PRTFDC1: variants seen among roughly 807,000 people sequenced by gnomAD.
The protein encoded by PRTFDC1 is phosphoribosyl transferase domain containing 1.
PRTFDC1 carries 38 observed loss-of-function variants against 34.6 expected under a neutral mutation model. The observed-to-expected ratio is 1.10, with a 90% CI of 0.85 to 1.44. The LOEUF is 1.44. Ranked by LOEUF, PRTFDC1 falls within the 40% of genes most tolerant of loss-of-function variation. The pLI, the probability that PRTFDC1 is intolerant of heterozygous loss-of-function variation, is 0.00. For synonymous variants in PRTFDC1, 93 were observed against 98.1 expected (o/e 0.95, Z 0.31); for missense variants, 270 against 283.0 (o/e 0.95, Z 0.33).
chr10:24,910,075 C>T (rs1171095932), intron 3 of PRTFDC1, among the ~76,000 whole-genome samples: 4 of 151,796 alleles, frequency 2.6e-5, no homozygotes, highest in African/African-American at 7.3e-5. Context: ...GCAGGAGAAT[C>T]GCTTGAACCC....
intron 3 of PRTFDC1, among the ~76,000 whole-genome samples, chr10:24,897,954 G>A (rs530120405): frequency 3.9e-5 from 6 of 152,224 alleles, no homozygotes; most frequent in East Asian, 3.9e-4. Context: ...GGTGCAGGGC[G>A]TCTTTAAAGA....
intron 3 of PRTFDC1, among the ~76,000 whole-genome samples, chr10:24,900,786 A>C (rs1848437401): frequency 1.3e-5 from 2 of 152,230 alleles, no homozygotes; most frequent in Non-Finnish European, 2.9e-5. Context: ...AGAATTAAAA[A>C]ATAAATAACC....
intron 3 of PRTFDC1, among the ~76,000 whole-genome samples, chr10:24,899,786 C>G (rs1002564022): frequency 1.3e-5 from 2 of 152,150 alleles, no homozygotes; most frequent in Non-Finnish European, 2.9e-5. Flanking sequence ...TAAACATGTT[C>G]CCACAACAAT....
At chr10:24,896,301 T>G (rs1848362513) in intron 3 of PRTFDC1, among the ~76,000 whole-genome samples, 1 of 152,174 alleles carries the variant, frequency 6.6e-6, no homozygotes, top group Non-Finnish European at 1.5e-5. Flanking sequence ...CTAGGTTGCA[T>G]GTTCCTTACG....
chr10:24,943,935 C>A (rs1375947777), intron 1 of PRTFDC1, among the ~76,000 whole-genome samples: 1 of 152,072 alleles, frequency 6.6e-6, no homozygotes, highest in Non-Finnish European at 1.5e-5. Flanking sequence ...ACAATGCAGA[C>A]CCACCCTAAT....
chr10:24,880,282 T>A (rs1333941349), intron 3 of PRTFDC1, among the ~76,000 whole-genome samples: 1 of 151,676 alleles, frequency 6.6e-6, no homozygotes, highest in Non-Finnish European at 1.5e-5. Flanking sequence ...AGACAGAGTC[T>A]TGCACTATTG....
At position 24,848,947 on chromosome 10, in the gene PRTFDC1, C is replaced by T. The variant is rs1847435935; in HGVS notation, c.*897G>A. 6.6e-6 allele frequency: 1 copy of T among 152,198 alleles called. No individual in the cohort carries two copies. 9.4% of individuals were successfully genotyped at this position (152,198 alleles called of 1,614,324 possible). A position where few individuals can be genotyped will look rare whatever the true frequency, so the allele number is the denominator to read the frequency against. ...ATTTTTTAAAAAATTCAACCTCTGT[C>T]TTCACATTTAGGACAGGGCATAACA... On this transcript the variant is annotated 3_prime_UTR_variant, in exon 9 of 9. Transcript: ENST00000320152.
chr10:24,947,843 T>G (rs563181586), intron 1 of PRTFDC1, among the ~76,000 whole-genome samples: 1 of 152,042 alleles, frequency 6.6e-6, no homozygotes, highest in Admixed American at 6.5e-5. Context: ...ACAGGAATTC[T>G]GGGATTCCTG....
intron 3 of PRTFDC1, among the ~76,000 whole-genome samples, chr10:24,872,915 CT>C: frequency 6.7e-6 from 1 of 149,828 alleles, no homozygotes; most frequent in Admixed American, 6.7e-5. Context: ...TCAAGCAATC[CT>C]TCTGTCTCGG....
At chr10:24,899,619 AC>A (rs1848419954) in intron 3 of PRTFDC1, among the ~76,000 whole-genome samples, 1 of 152,174 alleles carries the variant, frequency 6.6e-6, no homozygotes, top group African/African-American at 2.4e-5. Flanking sequence ...TTTTTAACTA[AC>A]CAGAAAGTGG....
At chr10:24,861,072 A>G (rs1322538066) in intron 4 of PRTFDC1, among the ~76,000 whole-genome samples, 1 of 151,272 alleles carries the variant, frequency 6.6e-6, no homozygotes, top group Non-Finnish European at 1.5e-5. Context: ...CTTTGAAAAG[A>G]TTAGCTTCAA....
intron 3 of PRTFDC1, among the ~76,000 whole-genome samples, chr10:24,876,602 G>T (rs1337108279): frequency 6.6e-6 from 1 of 152,098 alleles, no homozygotes; most frequent in African/African-American, 2.4e-5. Flanking sequence ...GCTGAGGCAG[G>T]AGAATCGCTT....
Position 24,915,687 on chromosome 10 carries a change from C to G in PRTFDC1, c.339+21497G>C, listed in dbSNP as rs570290033. Among the ~76,000 whole-genome samples, 4 of 152,352 alleles carry G rather than the reference C, an allele frequency of 2.6e-5. No individual in the cohort carries two copies. The South Asian group carries it at 8.3e-4, about 32-fold the overall frequency. Reference sequence around the variant, plus strand: ...TCAGTCTTCTTACTTGTTCTATTAACTGCATTCAGTGGCTGATTAGCCCTT... The same window carrying G: ...TCAGTCTTCTTACTTGTTCTATTAAGTGCATTCAGTGGCTGATTAGCCCTT... On this transcript the variant is annotated intron_variant, in intron 3 of 8. Coordinates refer to ENST00000320152, the MANE Select transcript of PRTFDC1 (RefSeq NM_020200.7).
chr10:24,934,464 G>C (rs971947651), intron 3 of PRTFDC1, among the ~76,000 whole-genome samples: 1 of 152,154 alleles, frequency 6.6e-6, no homozygotes, highest in Non-Finnish European at 1.5e-5. Context: ...TTTAGGAATT[G>C]CTGATAGAAT....
At chr10:24,898,798 C>T (rs9971366) in intron 3 of PRTFDC1, among the ~76,000 whole-genome samples, 1 of 152,140 alleles carries the variant, frequency 6.6e-6, no homozygotes, top group Non-Finnish European at 1.5e-5. Context: ...TGAGAAATTG[C>T]TAAGAACTGA....
chr10:24,943,576 G>T (rs1849205232), intron 1 of PRTFDC1, among the ~76,000 whole-genome samples: 1 of 150,410 alleles, frequency 6.6e-6, no homozygotes, highest in African/African-American at 2.5e-5. Context: ...TCTGAGACAG[G>T]GTCCCGCACT....
chr10:24,942,262 T>G, intron 2 of PRTFDC1, 68 bp downstream of exon 2: 1 of 1,278,988 alleles, frequency 7.8e-7, no homozygotes, highest in Non-Finnish European at 1.1e-6. Context: ...TAAAGTATAT[T>G]GTGGGATTCA....
Position 24,909,416 on chromosome 10 carries a change from G to A in PRTFDC1, c.339+27768C>T, listed in dbSNP as rs1043966651. ...TATCTCATGGTCCAGCTTTCATTTA[G>A]TTGTTTGCAAGTCAGCTTCCTTTAC... On this transcript the variant is annotated intron_variant, in intron 3 of 8. Transcript: ENST00000320152. 2.0e-5 allele frequency among the ~76,000 whole-genome samples: 3 copies of A among 152,156 alleles called. 1 individual carries two copies. In the South Asian group the frequency reaches 6.2e-4, roughly 32 times the overall value.
chr10:24,855,276 AAAACAAAC>A lies in PRTFDC1; in HGVS notation c.553+34_553+41del, dbSNP rs747500150. ...ACATAAAATGAAACACCATAAGCAC[AAAACAAAC>A]AAACAAACAAACAAAAAACTGAAAA... is the stretch of plus-strand genomic sequence containing the variant. On this transcript the variant is annotated intron_variant, in intron 7 of 8. Transcript: ENST00000320152. 10 of 1,570,948 alleles carry A rather than the reference AAAACAAAC, an allele frequency of 6.4e-6. No homozygotes were observed. In the South Asian group the frequency reaches 7.9e-5, roughly 12 times the overall value.
Sources: allele counts gnomAD v4.1 joint callset (sites outside exome capture counted in the v4.1 genomes callset), GRCh38; gene constraint gnomAD v4.1.1; transcripts MANE v1.5; gene names NCBI Gene and HGNC (gene_info 2026-07-23, HGNC 2026-07-21).